KANK1: variants seen among roughly 807,000 people sequenced by gnomAD.
The protein encoded by KANK1 is KN motif and ankyrin repeat domains 1.
In KANK1, 109 loss-of-function variants were observed where a neutral mutation model predicts 106.2. That is an observed-to-expected ratio of 1.03 (90% CI 0.88 to 1.20). The LOEUF is 1.20. Ranked by LOEUF, KANK1 falls within the 50% of genes most tolerant of loss-of-function variation. The probability of loss-of-function intolerance (pLI) is 0.00; values close to 1 mark genes in which losing one functional copy is unlikely to be tolerated. For missense variants in KANK1, 2,399 were observed against 1,710.7 expected (o/e 1.40, Z -7.10); for synonymous variants, 873 against 652.2 (o/e 1.34, Z -5.16).
At chr9:729,370 A>T (rs531025606) in intron 3 of KANK1, among the ~76,000 whole-genome samples, 10 of 152,302 alleles carry the variant, frequency 6.6e-5, no homozygotes, top group Admixed American at 2.0e-4. Context: ...TTAGTGAAGG[A>T]GATCAGGGAA....
intron 1 of KANK1, among the ~76,000 whole-genome samples, chr9:619,790 C>G (rs1217125723): frequency 1.3e-5 from 2 of 152,090 alleles, no homozygotes; most frequent in Admixed American, 6.6e-5. Context: ...ATACTTTAAA[C>G]AGGCTCTTCC....
intron 2 of KANK1, among the ~76,000 whole-genome samples, 176 bp from the exon 3 acceptor site, chr9:710,628 A>AC: frequency 1.1e-5 from 1 of 91,730 alleles, no homozygotes; most frequent in East Asian, 2.6e-4. Context: ...AAAAAAAAAA[A>AC]ACAAAAAAAA....
chr9:628,880 A>C (rs1834992489), intron 1 of KANK1, among the ~76,000 whole-genome samples: 1 of 151,828 alleles, frequency 6.6e-6, no homozygotes. Flanking sequence ...GGAGTTCAAA[A>C]CCAGCCTGGC....
chr9:738,781 G>A lies in KANK1; in HGVS notation c.3553+277G>A, dbSNP rs183210324. Among the ~76,000 whole-genome samples, 5 of 152,338 alleles carry A rather than the reference G, an allele frequency of 3.3e-5. No homozygotes were observed. In the East Asian group the frequency reaches 7.7e-4, roughly 24 times the overall value. On this transcript the variant is annotated intron_variant, in intron 8 of 11. Transcript: ENST00000382297. The stretch of plus-strand genomic sequence containing the variant: ...CTGCATTCAAAAGTGAGAGGTGTAT[G>A]CCTGGTAAGAAGCATGTCTCACGTT...
At chr9:628,210 C>T (rs544131839) in intron 1 of KANK1, among the ~76,000 whole-genome samples, 4 of 152,180 alleles carry the variant, frequency 2.6e-5, no homozygotes, top group Non-Finnish European at 5.9e-5. Flanking sequence ...AAGCCTCAGC[C>T]TGCTCGTCTT....
chr9:540,649 G>C (rs748602019), intron 1 of KANK1: 10 of 152,036 alleles, frequency 6.6e-5, no homozygotes, highest in Non-Finnish European at 1.2e-4. Flanking sequence ...TGACATCCTG[G>C]GATATTCTTT....
At chr9:699,627 C>G (rs1822168781) in intron 2 of KANK1, among the ~76,000 whole-genome samples, 1 of 152,158 alleles carries the variant, frequency 6.6e-6, no homozygotes, top group Non-Finnish European at 1.5e-5. Context: ...CTAACTTAAT[C>G]ATATAAACAA....
At chr9:576,465 G>C (rs779654344) in intron 1 of KANK1, among the ~76,000 whole-genome samples, 1 of 152,152 alleles carries the variant, frequency 6.6e-6, no homozygotes, top group Non-Finnish European at 1.5e-5. Context: ...CAGTTCCCTT[G>C]CATTTAGCCC....
At chr9:557,544 G>C (rs1295259961) in intron 1 of KANK1, among the ~76,000 whole-genome samples, 1 of 152,206 alleles carries the variant, frequency 6.6e-6, no homozygotes, top group Non-Finnish European at 1.5e-5. Context: ...GTTTAAGGCA[G>C]GGAATTCTTG....
chr9:594,088 A>G (rs923907716), intron 1 of KANK1, among the ~76,000 whole-genome samples: 1 of 151,844 alleles, frequency 6.6e-6, no homozygotes, highest in South Asian at 2.1e-4. Context: ...GCTGTAAGTG[A>G]TGGGGGCTGT....
In KANK1 at chr9:712,808, A is replaced by T. The variant is rs1465784993; in HGVS notation, c.2042A>T (p.His681Leu). 6.2e-7 allele frequency: 1 copy of T among 1,613,912 alleles called. No homozygotes were observed. The part of the protein sequence containing the change: ...QDTSTDLEQV[H>L]QFTNTETATL... ...ACTAGCACAGATTTGGAACAGGTGC[A>T]CCAGTTCACCAACACCGAGACGGCC... Residue 681 changes from histidine to leucine, a missense_variant, in exon 3 of 12, where the codon CAC becomes CTC. Transcript: ENST00000382297.
chr9:716,379 A>C (rs1250119679), intron 3 of KANK1, among the ~76,000 whole-genome samples: 1 of 152,054 alleles, frequency 6.6e-6, no homozygotes, highest in Non-Finnish European at 1.5e-5. Flanking sequence ...ATGTAGATCT[A>C]GAACAAATGA....
At chr9:650,819 T>C (rs1442911423) in intron 1 of KANK1, among the ~76,000 whole-genome samples, 1 of 152,148 alleles carries the variant, frequency 6.6e-6, no homozygotes, top group East Asian at 1.9e-4. Flanking sequence ...GTCCATGGAT[T>C]TGTAATTCCA....
intron 1 of KANK1, among the ~76,000 whole-genome samples, chr9:630,723 A>G (rs1835499668): frequency 1.3e-5 from 2 of 151,738 alleles, no homozygotes; most frequent in South Asian, 4.2e-4. Context: ...CCAACATGGT[A>G]AAACCCTGTG....
At chr9:641,896 C>T (rs936928803) in intron 1 of KANK1, among the ~76,000 whole-genome samples, 1 of 152,216 alleles carries the variant, frequency 6.6e-6, no homozygotes, top group African/African-American at 2.4e-5. Flanking sequence ...TTAACATAAT[C>T]GTGTAACCAT....
intron 1 of KANK1, among the ~76,000 whole-genome samples, chr9:571,205 A>G (rs138752499): frequency 5.9e-5 from 9 of 152,278 alleles, no homozygotes; most frequent in African/African-American, 2.2e-4. Context: ...GTGGTGTCAT[A>G]TGTCTTCTCT....
At chr9:690,536 TG>T (rs1819665301) in intron 2 of KANK1, among the ~76,000 whole-genome samples, 1 of 151,222 alleles carries the variant, frequency 6.6e-6, no homozygotes. Flanking sequence ...CCTGCAGCAG[TG>T]GAGTCCAGAA....
upstream of KANK1, among the ~76,000 whole-genome samples, chr9:502,528 C>CTTTT (rs61692364): frequency 4.5e-5 from 6 of 132,266 alleles, no homozygotes; most frequent in African/African-American, 1.3e-4. Flanking sequence ...ATGGAGAGCA[C>CTTTT]TTTTTTTTTT....
intron 1 of KANK1, among the ~76,000 whole-genome samples, chr9:635,160 C>T (rs946142120): frequency 4.6e-5 from 7 of 152,148 alleles, no homozygotes; most frequent in African/African-American, 1.7e-4. Flanking sequence ...GCTTCCTTTT[C>T]TCCCTTTGTA....
Sources: allele counts gnomAD v4.1 joint callset (sites outside exome capture counted in the v4.1 genomes callset), GRCh38; gene constraint gnomAD v4.1.1; transcripts MANE v1.5; gene names NCBI Gene and HGNC (gene_info 2026-07-23, HGNC 2026-07-21).